C6orf62: variants seen among roughly 807,000 people sequenced by gnomAD.
C6orf62 encodes uncharacterized protein C6orf62.
Under a neutral mutation model 26.8 loss-of-function variants are expected in C6orf62, and 16 were observed. That is an observed-to-expected ratio of 0.60 (90% CI 0.40 to 0.91). C6orf62 has a LOEUF of 0.91. Ranked by LOEUF, C6orf62 falls within the 40% of genes least tolerant of loss-of-function variation. The pLI is 0.00. For missense variants in C6orf62, 192 were observed against 271.4 expected (o/e 0.71, Z 2.06); for synonymous variants, 112 against 91.5 (o/e 1.22, Z -1.28).
intron 4 of C6orf62, chr6:24,706,617 G>T: frequency 5.2e-6 from 1 of 192,968 alleles, no homozygotes; most frequent in Non-Finnish European, 1.1e-5. Flanking sequence ...TGAAGGAATA[G>T]GTAAAAATTT....
At position 24,706,171 on chromosome 6, in the gene C6orf62, A is replaced by G. The variant is rs1779005090; in HGVS notation, c.656T>C (p.Ile219Thr). The G allele has an allele frequency of 6.2e-7, 1 of 1,614,232 alleles. No homozygotes were observed. The highest frequency in any genetic ancestry group is 8.5e-7 in the Non-Finnish European group (1 of 1,180,042). Residue 219 changes from isoleucine to threonine, a missense_variant, in exon 5 of 5, where the codon ATA becomes ACA. Ile to Thr is a moderately conservative substitution (Grantham distance 89, BLOSUM62 -1). Coordinates refer to ENST00000378119, the MANE Select transcript of C6orf62 (RefSeq NM_030939.5). ...CATATAAGGACGGAGGTGATCCTCTATGGTGCCAACTGCCCAGTGGGTGAG... is the reference window on the plus strand; with the variant it reads ...CATATAAGGACGGAGGTGATCCTCTGTGGTGCCAACTGCCCAGTGGGTGAG... ...EQLTHWAVGT[I>T]EDHLRPYMPE is the part of the protein sequence containing the mutation.
Position 24,719,050 on chromosome 6 carries a change from A to T in C6orf62, c.-382T>A. 1 of 1,049,706 alleles carries T rather than the reference A, an allele frequency of 9.5e-7. No homozygotes were observed. The highest frequency in any genetic ancestry group is 1.1e-6 in the Non-Finnish European group (1 of 870,178). 65.0% of individuals were successfully genotyped at this position (1,049,706 alleles called of 1,614,324 possible). Reference sequence around the variant, plus strand: ...ATAATCAGGATTTAGGTGTGCAATAAAACACAGCTGACACCAGACCAATCC... The same window carrying T: ...ATAATCAGGATTTAGGTGTGCAATATAACACAGCTGACACCAGACCAATCC... On this transcript the variant is annotated 5_prime_UTR_variant, in exon 1 of 5. Coordinates refer to ENST00000378119, the MANE Select transcript of C6orf62 (RefSeq NM_030939.5).
At chr6:24,719,727 ATCT>A (rs969734168), upstream of C6orf62, 3 of 1,522,068 alleles carry the variant, frequency 2.0e-6, no homozygotes, top group Admixed American at 2.1e-5. Flanking sequence ...AGTGCGATTT[ATCT>A]TCTTGTGAGC....
chr6:24,713,750 G>A lies in C6orf62; in HGVS notation c.429+568C>T, dbSNP rs529183168. Among the ~76,000 whole-genome samples, 6 of 152,252 alleles carry A rather than the reference G, an allele frequency of 3.9e-5. No homozygotes were observed. In the East Asian group the frequency reaches 9.6e-4, roughly 24 times the overall value. On this transcript the variant is annotated intron_variant, in intron 3 of 4. Transcript: ENST00000378119. Reference sequence around the variant, plus strand: ...CATCTTCTATGCATACAAATATACTGTAAATAAAACTAGGTTCAACATGAG... The same window carrying A: ...CATCTTCTATGCATACAAATATACTATAAATAAAACTAGGTTCAACATGAG...
At chr6:24,720,482 C>A, upstream of C6orf62, 2 of 762,104 alleles carry the variant, frequency 2.6e-6, no homozygotes, top group South Asian at 6.1e-5. Context: ...GGGAAGGACG[C>A]GGAGACAGCG....
At chr6:24,709,166 C>CAT in intron 3 of C6orf62, 1 of 971,118 alleles carries the variant, frequency 1.0e-6, no homozygotes, top group Non-Finnish European at 1.2e-6. Context: ...TACTGGCCAC[C>CAT]ATTAAGAACA....
At chr6:24,715,526 T>C (rs1008528636) in intron 2 of C6orf62, among the ~76,000 whole-genome samples, 1 of 152,190 alleles carries the variant, frequency 6.6e-6, no homozygotes, top group Non-Finnish European at 1.5e-5. Context: ...TTTTAAACTT[T>C]CTGCATAACA....
intron 3 of C6orf62, chr6:24,709,414 GAAAA>G: frequency 1.2e-6 from 1 of 826,214 alleles, no homozygotes; most frequent in Non-Finnish European, 1.5e-6. Flanking sequence ...CTGTTTCTAA[GAAAA>G]AAAAAAAATA....
intron 1 of C6orf62, 84 bp from the exon 2 acceptor site, chr6:24,716,408 T>G: frequency 1.1e-6 from 1 of 945,064 alleles, no homozygotes; most frequent in South Asian, 1.5e-5. Context: ...CATGTAACAT[T>G]AACTCCACAA....
rs766901820 is a variant in C6orf62, at chr6:24,716,216, T to C, written c.238A>G (p.Ser80Gly). The change falls in exon 2 of 5, where the codon AGT becomes GGT. Residue 80 changes from serine (S) to glycine (G), a missense_variant. Coordinates refer to ENST00000378119, the MANE Select transcript of C6orf62 (RefSeq NM_030939.5). ...TCCTTCTGTAAAAGCTCTAGGGAAC[T>C]TTCCAAGGAATAGCTGGAATCTCGC... ...GVRDSSYSLE[S>G]SLELLQKDVV... 1 of 1,613,990 alleles carries C rather than the reference T, an allele frequency of 6.2e-7. No homozygotes were observed. Among genetic ancestry groups the C allele is most frequent in the South Asian group, 1.1e-5 (1 of 91,080 alleles).
At chr6:24,719,459 A>C, upstream of C6orf62, 1 of 1,089,816 alleles carries the variant, frequency 9.2e-7, no homozygotes, top group Non-Finnish European at 1.1e-6. Flanking sequence ...GGCCCAAAGG[A>C]GCCATGAGAA....
intron 4 of C6orf62, chr6:24,707,109 A>C (rs959577877): frequency 6.6e-6 from 1 of 152,252 alleles, no homozygotes; most frequent in Non-Finnish European, 1.5e-5. Context: ...AAGATGTCTG[A>C]AGTAGCCTAC....
rs977917985 is a variant in C6orf62 at position 24,718,818 on chromosome 6, C to T, written c.-150G>A. 25 of 1,501,096 alleles carry T rather than the reference C, an allele frequency of 1.7e-5. No homozygotes were observed. In the South Asian group the frequency reaches 2.7e-4, roughly 16 times the overall value. 93.0% of individuals were successfully genotyped at this position (1,501,096 alleles called of 1,614,324 possible). Reference sequence around the variant, plus strand: ...AATCACGACTATAACCCAAAAACTGCACCTTCTGTCAATATTAGCAGACTG... The same window carrying T: ...AATCACGACTATAACCCAAAAACTGTACCTTCTGTCAATATTAGCAGACTG... On this transcript the variant is annotated 5_prime_UTR_variant, in exon 1 of 5. Transcript: ENST00000378119.
In C6orf62 at chr6:24,715,289, T is replaced by C. The variant is rs1179865218; in HGVS notation, c.307-849A>G. The stretch of plus-strand genomic sequence containing the variant: ...CATTCTCCCCAAGTAACTGTGGGGA[T>C]CTCTTGGTTCAGGTATGCCCAGATT... On this transcript the variant is annotated intron_variant, in intron 2 of 4. Transcript: ENST00000378119. Among the ~76,000 whole-genome samples the C allele has an allele frequency of 3.9e-5, 6 of 152,188 alleles. No homozygotes were observed. In the East Asian group the frequency reaches 1.2e-3, roughly 29 times the overall value.
intron 4 of C6orf62, among the ~76,000 whole-genome samples, chr6:24,708,295 A>G (rs6916186): frequency 0.94 from 141,884 of 151,396 alleles, 66,607 homozygotes; most frequent in East Asian, 1. Flanking sequence ...TGTAACATGC[A>G]GCAAAATTTG....
Position 24,705,728 on chromosome 6 carries a change from G to T in C6orf62, c.*409C>A, listed in dbSNP as rs1257236736. The T allele has an allele frequency of 1.3e-5, 2 of 155,548 alleles. No individual in the cohort carries two copies. The highest frequency in any genetic ancestry group is 2.0e-4 in the South Asian group (1 of 5,006). 9.6% of individuals were successfully genotyped at this position (155,548 alleles called of 1,614,324 possible). ...GTTTTTAAAAATGTTATTTATACCTGTTACATTCACTTCTCACCCTCTAAA... is the reference window on the plus strand; with the variant it reads ...GTTTTTAAAAATGTTATTTATACCTTTTACATTCACTTCTCACCCTCTAAA... On this transcript the variant is annotated 3_prime_UTR_variant, in exon 5 of 5. Coordinates refer to ENST00000378119, the MANE Select transcript of C6orf62 (RefSeq NM_030939.5).
At position 24,718,843 on chromosome 6, in the gene C6orf62, G is replaced by A. The variant is rs1419103900; in HGVS notation, c.-175C>T. ...CACCTTCTGTCAATATTAGCAGACT[G>A]TCATATTACAGGGTCAAGAAACAAA... On this transcript the variant is annotated 5_prime_UTR_variant, in exon 1 of 5. Transcript: ENST00000378119. The A allele has an allele frequency of 7.6e-6, 11 of 1,453,934 alleles. No homozygotes were observed. Among genetic ancestry groups the A allele is most frequent in the Non-Finnish European group, 9.0e-6 (10 of 1,111,910 alleles). The allele number at this position is 1,453,934 out of a possible 1,614,324, so 90.1% of individuals were successfully genotyped here.
chr6:24,709,371 T>A, intron 3 of C6orf62: 3 of 985,252 alleles, frequency 3.0e-6, no homozygotes, highest in Non-Finnish European at 3.6e-6. Flanking sequence ...AGGACATCTC[T>A]TTTCTTTTGA....
At chr6:24,718,128 T>A (rs117972020) in intron 1 of C6orf62, among the ~76,000 whole-genome samples, 1 of 152,344 alleles carries the variant, frequency 6.6e-6, no homozygotes, top group East Asian at 1.9e-4. Context: ...ATTACGCAGT[T>A]TAAGAAACAG....
Sources: allele counts gnomAD v4.1 joint callset (sites outside exome capture counted in the v4.1 genomes callset), GRCh38; gene constraint gnomAD v4.1.1; transcripts MANE v1.5; gene names NCBI Gene and HGNC (gene_info 2026-07-23, HGNC 2026-07-21).